The following HOXB6 variants were observed in gnomAD, a reference collection of about 807,000 sequenced individuals.
HOXB6 encodes the protein homeobox protein Hox-B6.
Under a neutral mutation model 24.2 loss-of-function variants are expected in HOXB6, and 18 were observed. The ratio of observed to expected loss-of-function variants is 0.74; its 90% CI spans 0.51 to 1.10. The LOEUF (loss-of-function observed/expected upper bound fraction) is 1.10. Ranked by LOEUF, HOXB6 falls within the 50% of genes least tolerant of loss-of-function variation. HOXB6 has a pLI of 0.00. For synonymous variants in HOXB6, 159 were observed against 139.1 expected (o/e 1.14, Z -1.01); for missense variants, 332 against 308.3 (o/e 1.08, Z -0.58).
chr17:48,599,175 C>T (rs2070396101), intron 2 of HOXB6, among the ~76,000 whole-genome samples: 3 of 152,194 alleles, frequency 2.0e-5, no homozygotes, highest in African/African-American at 7.2e-5. Context: ...CTTTATTTGT[C>T]TGATCCCTAT....
intron 2 of HOXB6, chr17:48,600,462 A>G (rs2070432014): frequency 2.2e-6 from 1 of 456,002 alleles, no homozygotes; most frequent in South Asian, 1.5e-5. Context: ...TTGTCTGGAG[A>G]TGGAGCCACT....
At chr17:48,599,549 G>C (rs1044763233) in intron 2 of HOXB6, among the ~76,000 whole-genome samples, 10 of 152,192 alleles carry the variant, frequency 6.6e-5, no homozygotes, top group African/African-American at 2.4e-4. Context: ...TCTCCCTTCT[G>C]TCTGTATCTC....
In HOXB6 at chr17:48,597,950, G is replaced by A; in HGVS notation, c.201C>T (p.Gly67=). The change falls in exon 3 of 4, where the codon GGC becomes GGT. Residue 67 remains glycine (G), a synonymous_variant. Coordinates refer to ENST00000225648, the MANE Select transcript of HOXB6 (RefSeq NM_018952.5). ...SYYPPAGGGY[G]RAAPCDYGPA... is the part of the protein sequence containing the mutation. ...GCCCGTAGTCGCAGGGCGCCGCTCG[G>A]CCGTAGCCACCGCCCGCCGGCGGGT... 1 of 1,573,226 alleles carries A rather than the reference G, an allele frequency of 6.4e-7. No individual in the cohort carries two copies. The highest frequency in any genetic ancestry group is 8.6e-7 in the Non-Finnish European group (1 of 1,159,996).
rs759509288 is a variant in HOXB6 at position 48,596,712 on chromosome 17, G to A, written c.416-40C>T. The A allele has an allele frequency of 1.2e-6, 2 of 1,605,258 alleles. No homozygotes were observed. Among genetic ancestry groups the A allele is most frequent in the African/African-American group, 1.3e-5 (1 of 74,902 alleles). On this transcript the variant is annotated intron_variant, in intron 3 of 3. Coordinates refer to ENST00000225648, the MANE Select transcript of HOXB6 (RefSeq NM_018952.5). The surrounding 1 kb of genome is among the most constrained non-coding windows in gnomAD (Gnocchi z 4.8). Reference sequence around the variant, plus strand: ...GGAGATGCTGAGGCCTGCGGTCACCGGGCCCAGGACCCCCTCCCCTAGTCG... The same window carrying A: ...GGAGATGCTGAGGCCTGCGGTCACCAGGCCCAGGACCCCCTCCCCTAGTCG...
chr17:48,601,562 G>T (rs974337534), intron 2 of HOXB6: 1 of 153,332 alleles, frequency 6.5e-6, no homozygotes, highest in Non-Finnish European at 1.5e-5. Context: ...CTCCCTCAGG[G>T]CCTCCTATAG....
In HOXB6 at chr17:48,597,878, G is replaced by T. The variant is rs34438598; in HGVS notation, c.273C>A (p.Ser91=). The T allele has an allele frequency of 0.083, 131,476 of 1,589,176 alleles. 6,171 individuals carry two copies. The highest frequency in any genetic ancestry group is 0.096 in the Non-Finnish European group (112,006 of 1,166,938). ...GGAACGGGGGCTGCTCGTCGGCGCC[G>T]GAGAGTGCGCAGGCCGACTCTTTCT... The part of the protein sequence containing the change: ...YREKESACAL[S]GADEQPPFHP... Residue 91 remains serine, a synonymous_variant, in exon 3 of 4, where the codon TCC becomes TCA. Coordinates refer to ENST00000225648, the MANE Select transcript of HOXB6 (RefSeq NM_018952.5).
Position 48,596,858 on chromosome 17 carries a change from C to G in HOXB6, c.416-186G>C. On this transcript the variant is annotated intron_variant, in intron 3 of 3. Coordinates refer to ENST00000225648, the MANE Select transcript of HOXB6 (RefSeq NM_018952.5). The surrounding 1 kb of genome is among the most constrained non-coding windows in gnomAD (Gnocchi z 4.8). ...CCCTCCTAGTCTCCTAGGCCTGTGC[C>G]GTCTGTCTAGACTCTAGATGGGGGA... The G allele has an allele frequency of 7.9e-7, 1 of 1,265,686 alleles. No homozygotes were observed. Among genetic ancestry groups the G allele is most frequent in the Non-Finnish European group, 1.1e-6 (1 of 926,568 alleles). 78.4% of individuals were successfully genotyped at this position (1,265,686 alleles called of 1,614,324 possible).
intron 2 of HOXB6, among the ~76,000 whole-genome samples, chr17:48,599,665 A>G (rs1962829487): frequency 6.6e-6 from 1 of 152,202 alleles, no homozygotes; most frequent in South Asian, 2.1e-4. Flanking sequence ...CTTTCATCCA[A>G]GGAAAATAAG....
intron 2 of HOXB6, chr17:48,601,585 A>G (rs533959583): frequency 6.4e-6 from 1 of 155,392 alleles, no homozygotes; most frequent in African/African-American, 2.4e-5. Flanking sequence ...CAGCTCCTTG[A>G]GTCGGGCCTT....
chr17:48,600,468 C>A, intron 2 of HOXB6: 1 of 456,030 alleles, frequency 2.2e-6, no homozygotes, highest in Non-Finnish European at 4.4e-6. Flanking sequence ...GGAGATGGAG[C>A]CACTACAGGC....
chr17:48,596,926 G>A lies in HOXB6; in HGVS notation c.416-254C>T. On this transcript the variant is annotated intron_variant, in intron 3 of 3. Transcript: ENST00000225648. The surrounding 1 kb of genome is among the most constrained non-coding windows in gnomAD (Gnocchi z 4.8). ...ACTCCCACCTGAGCCTGGGGGGAGGGGCTGGTCAGGTGTGTCTCTTCCTAG... is the reference window on the plus strand; with the variant it reads ...ACTCCCACCTGAGCCTGGGGGGAGGAGCTGGTCAGGTGTGTCTCTTCCTAG... 2.2e-6 allele frequency: 3 copies of A among 1,377,778 alleles called. No homozygotes were observed. The highest frequency in any genetic ancestry group is 3.0e-5 in the Admixed American group (1 of 33,672). The allele number at this position is 1,377,778 out of a possible 1,614,324, so 85.3% of individuals were successfully genotyped here.
In HOXB6 at chr17:48,596,685, G is replaced by T; in HGVS notation, c.416-13C>A. ...CCAAAGGAGGAACCTGTTACGCAGA[G>T]TGGAGATGCTGAGGCCTGCGGTCAC... is the stretch of plus-strand genomic sequence containing the variant. On this transcript the variant is annotated splice_polypyrimidine_tract_variant and intron_variant, in intron 3 of 3. Coordinates refer to ENST00000225648, the MANE Select transcript of HOXB6 (RefSeq NM_018952.5). This position sits in a 1 kb window ranked among gnomAD's most constrained non-coding sequence, Gnocchi z 4.8. The T allele has an allele frequency of 6.2e-7, 1 of 1,610,948 alleles. No individual in the cohort carries two copies. Among genetic ancestry groups the T allele is most frequent in the Non-Finnish European group, 8.5e-7 (1 of 1,180,006 alleles).
chr17:48,598,262 T>G, intron 2 of HOXB6, 34 bp from the exon 3 acceptor site: 1 of 1,146,172 alleles, frequency 8.7e-7, no homozygotes, highest in Non-Finnish European at 1.2e-6. Flanking sequence ...GGGTTTTAGC[T>G]GAGGGGGGAT....
chr17:48,600,224 C>T (rs2144970368), intron 2 of HOXB6, among the ~76,000 whole-genome samples: 1 of 152,236 alleles, frequency 6.6e-6, no homozygotes, highest in South Asian at 2.1e-4. Flanking sequence ...TACCTGCATG[C>T]ACCTCCCTGC....
chr17:48,603,337 C>A (rs1261311489), intron 2 of HOXB6, among the ~76,000 whole-genome samples: 4 of 152,156 alleles, frequency 2.6e-5, no homozygotes, highest in Admixed American at 1.3e-4. Flanking sequence ...TCTCTGTCAC[C>A]TGCCCAATGT....
In HOXB6 at chr17:48,596,953, T is replaced by A. The variant is rs1221027358; in HGVS notation, c.416-281A>T. 1 of 1,340,350 alleles carries A rather than the reference T, an allele frequency of 7.5e-7. No homozygotes were observed. Among genetic ancestry groups the A allele is most frequent in the Non-Finnish European group, 9.6e-7 (1 of 1,038,044 alleles). The allele number at this position is 1,340,350 out of a possible 1,614,324, so 83.0% of individuals were successfully genotyped here. A position where few individuals can be genotyped will look rare whatever the true frequency, so the allele number is the denominator to read the frequency against. ...CTGGTCAGGTGTGTCTCTTCCTAGT[T>A]GCATCTTGTCTTTCCCTCCCTTTCC... On this transcript the variant is annotated intron_variant, in intron 3 of 3. Transcript: ENST00000225648. The surrounding 1 kb of genome is among the most constrained non-coding windows in gnomAD (Gnocchi z 4.8).
In HOXB6 at chr17:48,596,679, C is replaced by G. The variant is rs368219045; in HGVS notation, c.416-7G>C. 5.2e-5 allele frequency: 84 copies of G among 1,611,658 alleles called. No homozygotes were observed. Among genetic ancestry groups the G allele is most frequent in the Middle Eastern group, 3.3e-4 (2 of 6,062 alleles). On this transcript the variant is annotated splice_region_variant and splice_polypyrimidine_tract_variant and intron_variant, in intron 3 of 3. Transcript: ENST00000225648. This position sits in a 1 kb window ranked among gnomAD's most constrained non-coding sequence, Gnocchi z 4.8. ...CTGGGCCCAAAGGAGGAACCTGTTA[C>G]GCAGAGTGGAGATGCTGAGGCCTGC...
chr17:48,598,210 T>C lies in HOXB6; in HGVS notation c.-60A>G. 1 of 1,474,060 alleles carries C rather than the reference T, an allele frequency of 6.8e-7. No homozygotes were observed. Among genetic ancestry groups the C allele is most frequent in the Non-Finnish European group, 9.0e-7 (1 of 1,107,462 alleles). The allele number at this position is 1,474,060 out of a possible 1,614,324, so 91.3% of individuals were successfully genotyped here. Reference sequence around the variant, plus strand: ...GCCGGGTTTATGATTTGTTGTGTTTTATAGTCCGAGCGCCGCGCCTATTAG... The same window carrying C: ...GCCGGGTTTATGATTTGTTGTGTTTCATAGTCCGAGCGCCGCGCCTATTAG... On this transcript the variant is annotated 5_prime_UTR_variant, in exon 3 of 4. The change creates a new upstream start codon in the 5' untranslated region. Transcript: ENST00000225648.
intron 2 of HOXB6, among the ~76,000 whole-genome samples, chr17:48,601,238 A>G (rs2070455302): frequency 6.6e-6 from 1 of 152,136 alleles, no homozygotes; most frequent in African/African-American, 2.4e-5. Flanking sequence ...AAATGTTCCC[A>G]GGGGTACTGA....
Sources: allele counts gnomAD v4.1 joint callset (sites outside exome capture counted in the v4.1 genomes callset), GRCh38; gene constraint gnomAD v4.1.1; non-coding constraint Gnocchi (gnomAD v3.1); transcripts MANE v1.5; gene names NCBI Gene and HGNC (gene_info 2026-07-23, HGNC 2026-07-21).